Variants in PCDHGB3 observed in about 807,000 individuals in gnomAD.
PCDHGB3 encodes the protein protocadherin gamma-B3.
Under a neutral mutation model 59.2 loss-of-function variants are expected in PCDHGB3, and 40 were observed. That is an observed-to-expected ratio of 0.68 (90% CI 0.52 to 0.88). The LOEUF (loss-of-function observed/expected upper bound fraction) is 0.88, where lower values mean the gene tolerates loss of function less well. Ranked by LOEUF, PCDHGB3 falls within the 40% of genes least tolerant of loss-of-function variation. The pLI, the probability that PCDHGB3 is intolerant of heterozygous loss-of-function variation, is 0.00. For missense variants in PCDHGB3, 1,309 were observed against 1,187.9 expected, an observed-to-expected ratio of 1.10 and a Z score of -1.50; for synonymous variants, 581 against 503.6, an observed-to-expected ratio of 1.15 and a Z score of -2.06.
Position 141,431,709 on chromosome 5 carries a change from T to G in PCDHGB3, c.2415+58900T>G, listed in dbSNP as rs1561854893. ...CACGAGGAGTCAGGATTCTACCAGA[T>G]GGAAGTGCAAGCAATGGATAATGCA... On this transcript the variant is annotated intron_variant, in intron 1 of 3. Coordinates refer to ENST00000576222, the MANE Select transcript of PCDHGB3 (RefSeq NM_018924.5). The surrounding 1 kb of genome is among the most constrained non-coding windows in gnomAD (Gnocchi z 4.8). The G allele has an allele frequency of 6.2e-7, 1 of 1,614,168 alleles. No individual in the cohort carries two copies. Among genetic ancestry groups the G allele is most frequent in the Middle Eastern group, 1.6e-4 (1 of 6,062 alleles).
Position 141,456,287 on chromosome 5 carries a change from C to A in PCDHGB3, c.2416-38520C>A, listed in dbSNP as rs951430060. On this transcript the variant is annotated intron_variant, in intron 1 of 3. Transcript: ENST00000576222. ...CTGGCTACTTCCTGCTGAAAAGGGGCGTCTAATGGAGAACAGCAGCTAGGG... is the reference window on the plus strand; with the variant it reads ...CTGGCTACTTCCTGCTGAAAAGGGGAGTCTAATGGAGAACAGCAGCTAGGG... Among the ~76,000 whole-genome samples, 11 of 152,166 alleles carry A rather than the reference C, an allele frequency of 7.2e-5. No individual in the cohort carries two copies. In the East Asian group the frequency reaches 1.9e-3, roughly 27 times the overall value.
intron 1 of PCDHGB3, chr5:141,392,975 GGA>G: frequency 6.2e-7 from 1 of 1,613,862 alleles, no homozygotes; most frequent in Non-Finnish European, 8.5e-7. Context: ...ACCTGGGGCT[GGA>G]CCCCCGGAAG....
chr5:141,383,510 A>G (rs1390731022), intron 1 of PCDHGB3: 1 of 1,612,804 alleles, frequency 6.2e-7, no homozygotes, highest in Admixed American at 1.7e-5. Context: ...GACCGGGAGG[A>G]AGAGCGGGTT....
intron 1 of PCDHGB3, chr5:141,426,985 A>G (rs534298238): frequency 7.7e-5 from 35 of 456,646 alleles, no homozygotes; most frequent in Non-Finnish European, 1.3e-4. Context: ...ACTGATGCCA[A>G]CGATAATGCC....
intron 1 of PCDHGB3, chr5:141,393,056 C>A: frequency 6.2e-7 from 1 of 1,613,606 alleles, no homozygotes; most frequent in Non-Finnish European, 8.5e-7. Flanking sequence ...ACCCGCGCAG[C>A]GGCAGCTTGA....
intron 1 of PCDHGB3, chr5:141,427,993 C>G: frequency 6.3e-7 from 1 of 1,599,460 alleles, no homozygotes; most frequent in South Asian, 1.1e-5. Flanking sequence ...CCCGATGGCT[C>G]CGCACTCTTC....
chr5:141,494,194 G>A (rs1446357035), intron 1 of PCDHGB3, among the ~76,000 whole-genome samples: 2 of 152,182 alleles, frequency 1.3e-5, no homozygotes, highest in Non-Finnish European at 2.9e-5. Flanking sequence ...GGACTTGGAT[G>A]CCCCGCAAAG....
At chr5:141,392,867 G>C in intron 1 of PCDHGB3, 6 of 1,612,942 alleles carry the variant, frequency 3.7e-6, no homozygotes, top group Non-Finnish European at 5.1e-6. Flanking sequence ...TGCTGTGCGC[G>C]CTGCTGGGAA....
intron 1 of PCDHGB3, chr5:141,384,591 C>T (rs1780246263): frequency 6.2e-7 from 1 of 1,614,114 alleles, no homozygotes; most frequent in South Asian, 1.1e-5. Flanking sequence ...AGATCCTGTA[C>T]CCGGCCCTCC....
chr5:141,389,124 C>A, intron 1 of PCDHGB3: 1 of 1,613,996 alleles, frequency 6.2e-7, no homozygotes, highest in Non-Finnish European at 8.5e-7. Flanking sequence ...CGAGCAGAAT[C>A]CAGAGTACAA....
chr5:141,490,080 T>A lies in PCDHGB3; in HGVS notation c.2416-4727T>A, dbSNP rs2099695881. On this transcript the variant is annotated intron_variant, in intron 1 of 3. Coordinates refer to ENST00000576222, the MANE Select transcript of PCDHGB3 (RefSeq NM_018924.5). The surrounding 1 kb of genome is among the most constrained non-coding windows in gnomAD (Gnocchi z 5.4). ...GCACCAACGGCCAACTAGACTATTCTTTTGGAGACCACACATCTGAGGCAG... is the reference window on the plus strand; with the variant it reads ...GCACCAACGGCCAACTAGACTATTCATTTGGAGACCACACATCTGAGGCAG... The A allele has an allele frequency of 6.2e-7, 1 of 1,614,246 alleles. No homozygotes were observed. The highest frequency in any genetic ancestry group is 2.2e-5 in the East Asian group (1 of 44,884).
chr5:141,380,370 G>T (rs1427266285), intron 1 of PCDHGB3, among the ~76,000 whole-genome samples: 2 of 152,084 alleles, frequency 1.3e-5, no homozygotes, highest in Admixed American at 1.3e-4. Context: ...AGAAAAAAAA[G>T]TCCCAAAAAA....
intron 1 of PCDHGB3, chr5:141,385,163 A>T: frequency 6.2e-7 from 1 of 1,614,182 alleles, no homozygotes; most frequent in Non-Finnish European, 8.5e-7. Flanking sequence ...ACCTATTCCC[A>T]TGAGGTCTCC....
chr5:141,418,626 C>A (rs1237600131), intron 1 of PCDHGB3: 2 of 1,613,902 alleles, frequency 1.2e-6, no homozygotes, highest in African/African-American at 2.7e-5. Context: ...GAAGACGTGC[C>A]TCCAGGCACC....
chr5:141,384,249 C>T (rs886257445), intron 1 of PCDHGB3: 20 of 1,613,790 alleles, frequency 1.2e-5, no homozygotes, highest in Admixed American at 1.7e-5. Flanking sequence ...ATAACCCACC[C>T]ACCTTCCCCC....
chr5:141,503,372 G>A (rs1275544964), intron 2 of PCDHGB3, among the ~76,000 whole-genome samples: 1 of 151,968 alleles, frequency 6.6e-6, no homozygotes, highest in Non-Finnish European at 1.5e-5. Context: ...GGAGGCAGGT[G>A]GATCATGAGG....
chr5:141,495,041 G>A, intron 2 of PCDHGB3, 176 bp downstream of exon 2: 1 of 942,350 alleles, frequency 1.1e-6, no homozygotes, highest in Non-Finnish European at 1.3e-6. Flanking sequence ...AGGAAGAGGC[G>A]ACTGCCCTGA....
At chr5:141,423,508 A>G (rs962526072) in intron 1 of PCDHGB3, 2 of 1,613,860 alleles carry the variant, frequency 1.2e-6, no homozygotes, top group African/African-American at 2.7e-5. Context: ...GGTCTCTCTC[A>G]TTGCGGACTC....
intron 1 of PCDHGB3, chr5:141,415,071 G>T: frequency 6.2e-7 from 1 of 1,613,422 alleles, no homozygotes; most frequent in East Asian, 2.2e-5. Flanking sequence ...AGGTGCGCAC[G>T]GCGCGAGCCC....
Sources: gnomAD v4.1 joint callset for allele counts (sites outside exome capture counted in the v4.1 genomes callset) on GRCh38, gnomAD v4.1.1 for gene constraint, Gnocchi (gnomAD v3.1) non-coding constraint, MANE v1.5 for transcripts, NCBI Gene and HGNC (gene_info 2026-07-23, HGNC 2026-07-21) for gene names.